The following XPO4 variants were observed in gnomAD, a reference collection of about 807,000 sequenced individuals.
The protein encoded by XPO4 is exportin 4, also known as exportin-4.
In XPO4, 39 loss-of-function variants were observed where a neutral mutation model predicts 143.0. That is an observed-to-expected ratio of 0.27 (90% CI 0.21 to 0.36). XPO4 has a LOEUF of 0.36. XPO4 is among the 10% of genes least tolerant of loss of function. XPO4 has a pLI of 1.00. For missense variants in XPO4, 907 were observed against 1,348.0 expected, an observed-to-expected ratio of 0.67 and a Z score of 5.12; for synonymous variants, 439 against 474.0, an observed-to-expected ratio of 0.93 and a Z score of 0.96.
chr13:20,876,411 C>T (rs1475106537), intron 1 of XPO4, among the ~76,000 whole-genome samples: 1 of 151,580 alleles, frequency 6.6e-6, no homozygotes, highest in African/African-American at 2.4e-5. Flanking sequence ...AAACCTATGA[C>T]ATATGACAAA....
intron 3 of XPO4, among the ~76,000 whole-genome samples, chr13:20,858,793 C>G (rs962623316): frequency 6.6e-6 from 1 of 151,932 alleles, no homozygotes; most frequent in African/African-American, 2.4e-5. Context: ...ATCGCTGGAA[C>G]ACAGGAGGCA....
chr13:20,793,976 A>G (rs1445438514), intron 18 of XPO4, among the ~76,000 whole-genome samples: 4 of 152,306 alleles, frequency 2.6e-5, no homozygotes, highest in Non-Finnish European at 5.9e-5. Context: ...GATTTCCTAA[A>G]GGGGCCTTCA....
At chr13:20,862,598 T>G in intron 3 of XPO4, 119 bp downstream of exon 3, 1 of 1,273,130 alleles carries the variant, frequency 7.9e-7, no homozygotes, top group Non-Finnish European at 1.1e-6. Context: ...AAAGTGGAGA[T>G]TATAGGTGTG....
intron 3 of XPO4, chr13:20,856,856 T>C (rs2060148997): frequency 2.0e-6 from 2 of 985,334 alleles, no homozygotes; most frequent in Admixed American, 1.2e-4. Flanking sequence ...CGTCACTTTC[T>C]CCAGAAAGTT....
intron 6 of XPO4, among the ~76,000 whole-genome samples, chr13:20,842,585 T>C (rs2059987184): frequency 6.6e-6 from 1 of 152,332 alleles, no homozygotes; most frequent in African/African-American, 2.4e-5. Context: ...TAAAAGGTAA[T>C]TTCTACCTGT....
At chr13:20,892,889 T>TAAAA (rs71200313) in intron 1 of XPO4, among the ~76,000 whole-genome samples, 1 of 139,220 alleles carries the variant, frequency 7.2e-6, no homozygotes, top group Non-Finnish European at 1.5e-5. Flanking sequence ...AAGTAAAAAA[T>TAAAA]AAAAAAAAAA....
At chr13:20,857,156 G>T (rs377501907) in intron 3 of XPO4, among the ~76,000 whole-genome samples, 26 of 152,252 alleles carry the variant, frequency 1.7e-4, no homozygotes, top group African/African-American at 5.1e-4. Context: ...ATATTAGTTG[G>T]CCAAAGGGAA....
At chr13:20,857,816 C>A in intron 3 of XPO4, 1 of 983,142 alleles carries the variant, frequency 1.0e-6, no homozygotes, top group Non-Finnish European at 1.2e-6. Context: ...AAGTAGGGTG[C>A]AAATCCCTTT....
chr13:20,849,889 T>A (rs1747255510), intron 4 of XPO4: 2 of 840,068 alleles, frequency 2.4e-6, no homozygotes, highest in Admixed American at 1.2e-4. Flanking sequence ...GCAGATCACT[T>A]GAGGTCAGGA....
At chr13:20,827,608 T>C (rs568424828) in intron 6 of XPO4, among the ~76,000 whole-genome samples, 2 of 152,192 alleles carry the variant, frequency 1.3e-5, no homozygotes, top group African/African-American at 2.4e-5. Context: ...TATAGTCTAC[T>C]TGGAAAAATA....
At chr13:20,848,447 G>T in intron 4 of XPO4, 1 of 985,310 alleles carries the variant, frequency 1.0e-6, no homozygotes, top group Non-Finnish European at 1.2e-6. Flanking sequence ...TTGCATAATT[G>T]TCCTAAGGCT....
At chr13:20,816,192 G>C (rs1217662590) in intron 9 of XPO4, among the ~76,000 whole-genome samples, 4 of 152,158 alleles carry the variant, frequency 2.6e-5, no homozygotes, top group African/African-American at 9.7e-5. Flanking sequence ...GTGCTGCACA[G>C]TGTAAAACAT....
In XPO4 at chr13:20,778,209, T is replaced by C. The variant is rs2059104748; in HGVS notation, c.*5513A>G. On this transcript the variant is annotated 3_prime_UTR_variant, in exon 23 of 23. Transcript: ENST00000255305. ...ATGACAGATGATTAGCCTGTGTGTA[T>C]GGCCCCACACTTGGTAATGAAAGAA... 6.6e-6 allele frequency: 1 copy of C among 152,208 alleles called. No individual in the cohort carries two copies. Among genetic ancestry groups the C allele is most frequent in the South Asian group, 2.1e-4 (1 of 4,828 alleles). The allele number at this position is 152,208 out of a possible 1,614,324, so 9.4% of individuals were successfully genotyped here. A position where few individuals can be genotyped will look rare whatever the true frequency, so the allele number is the denominator to read the frequency against.
At position 20,902,740 on chromosome 13, in the gene XPO4, G is replaced by C. The variant is rs763311259; in HGVS notation, c.-2C>G. The C allele has an allele frequency of 6.4e-7, 1 of 1,551,902 alleles. No homozygotes were observed. The highest frequency in any genetic ancestry group is 8.7e-7 in the Non-Finnish European group (1 of 1,148,310). On this transcript the variant is annotated 5_prime_UTR_variant, in exon 1 of 23. Transcript: ENST00000255305. ...GGGCCCCAGCGCCGCCGCCATCATGGTCTCTCTTCAATGACGCGCCATGCG... is the reference window on the plus strand; with the variant it reads ...GGGCCCCAGCGCCGCCGCCATCATGCTCTCTCTTCAATGACGCGCCATGCG...
chr13:20,855,410 A>G (rs2060133433), intron 4 of XPO4, among the ~76,000 whole-genome samples: 1 of 151,170 alleles, frequency 6.6e-6, no homozygotes. Flanking sequence ...AGCCAAGATC[A>G]TGCCATTGCA....
rs1056329374 is a variant in XPO4 at position 20,782,944 on chromosome 13, C to G, written c.*778G>C. The G allele has an allele frequency of 6.6e-6, 1 of 152,398 alleles. No homozygotes were observed. Among genetic ancestry groups the G allele is most frequent in the African/African-American group, 2.4e-5 (1 of 41,380 alleles). The allele number at this position is 152,398 out of a possible 1,614,324, so 9.4% of individuals were successfully genotyped here. On this transcript the variant is annotated 3_prime_UTR_variant, in exon 23 of 23. Transcript: ENST00000255305. The stretch of plus-strand genomic sequence containing the variant: ...GATTAGTGACTTGTATTACACAAAA[C>G]CTGCAGCACTGGGTTGATGTGAGAG...
At chr13:20,871,558 C>G (rs1482457078) in intron 1 of XPO4, among the ~76,000 whole-genome samples, 1 of 152,088 alleles carries the variant, frequency 6.6e-6, no homozygotes, top group Non-Finnish European at 1.5e-5. Flanking sequence ...TTACAAAATC[C>G]CAAAGTCTGC....
chr13:20,880,621 A>T (rs2060399576), intron 1 of XPO4, among the ~76,000 whole-genome samples: 1 of 152,198 alleles, frequency 6.6e-6, no homozygotes, highest in African/African-American at 2.4e-5. Context: ...GGATAAACAA[A>T]ACATTGTATA....
intron 6 of XPO4, among the ~76,000 whole-genome samples, chr13:20,833,036 CAAACATTCT>C (rs1279361238): frequency 3.9e-5 from 6 of 152,080 alleles, no homozygotes; most frequent in African/African-American, 1.2e-4. Flanking sequence ...ACATACCTGC[CAAACATTCT>C]TGTTACAAAA....
Sources: gnomAD v4.1 joint callset for allele counts (sites outside exome capture counted in the v4.1 genomes callset) on GRCh38, gnomAD v4.1.1 for gene constraint, MANE v1.5 for transcripts, NCBI Gene and HGNC (gene_info 2026-07-23, HGNC 2026-07-21) for gene names.